STAC: variants seen among roughly 807,000 people sequenced by gnomAD.
STAC encodes SH3 and cysteine rich domain, also known as SH3 and cysteine-rich domain-containing protein.
STAC carries 43 observed loss-of-function variants against 48.8 expected under a neutral mutation model. The ratio of observed to expected loss-of-function variants is 0.88; its 90% CI spans 0.69 to 1.14. The LOEUF (loss-of-function observed/expected upper bound fraction) is 1.14. STAC is among the 50% of genes most tolerant of loss of function. STAC has a pLI of 0.00. For synonymous variants in STAC, 193 were observed against 179.5 expected (o/e 1.07, Z -0.60); for missense variants, 497 against 504.0 (o/e 0.99, Z 0.13).
At chr3:36,387,841 G>T (rs1235633485) in intron 1 of STAC, among the ~76,000 whole-genome samples, 1 of 152,038 alleles carries the variant, frequency 6.6e-6, no homozygotes, top group Non-Finnish European at 1.5e-5. Flanking sequence ...TTTCTTATGG[G>T]TATATAACCA....
chr3:36,382,788 AG>A (rs1302450636), intron 1 of STAC, among the ~76,000 whole-genome samples: 2 of 152,190 alleles, frequency 1.3e-5, no homozygotes, highest in Non-Finnish European at 2.9e-5. Context: ...ATTCTATTCT[AG>A]GAAGGCCACA....
intron 5 of STAC, 90 bp from the exon 6 acceptor site, chr3:36,493,061 T>G: frequency 7.9e-7 from 1 of 1,269,142 alleles, no homozygotes; most frequent in Admixed American, 1.9e-5. Flanking sequence ...TCATGCAAAT[T>G]CTACCTAAGC....
chr3:36,436,121 T>A (rs578226227), intron 1 of STAC, among the ~76,000 whole-genome samples: 1 of 152,310 alleles, frequency 6.6e-6, no homozygotes, highest in South Asian at 2.1e-4. Flanking sequence ...GAATCATATA[T>A]CCAGCTGCTT....
chr3:36,530,645 G>A (rs1400096528), intron 10 of STAC, among the ~76,000 whole-genome samples: 2 of 131,110 alleles, frequency 1.5e-5, no homozygotes, highest in African/African-American at 5.9e-5. Context: ...GTCCAGGCTG[G>A]AGTGCAATGG....
intron 1 of STAC, among the ~76,000 whole-genome samples, chr3:36,439,279 G>A (rs1696250881): frequency 6.6e-6 from 1 of 152,170 alleles, no homozygotes. Context: ...TAGGTCGCCT[G>A]GTGAAGCACT....
intron 1 of STAC, among the ~76,000 whole-genome samples, chr3:36,435,964 G>T (rs1700823202): frequency 6.6e-6 from 1 of 152,096 alleles, no homozygotes; most frequent in South Asian, 2.1e-4. Flanking sequence ...GAATGCCCCA[G>T]AGTTCTGTCC....
intron 5 of STAC, among the ~76,000 whole-genome samples, chr3:36,489,101 C>T (rs1697897924): frequency 6.6e-6 from 1 of 152,138 alleles, no homozygotes; most frequent in South Asian, 2.1e-4. Context: ...TGAGTTGCTC[C>T]TCCCACAAGC....
intron 8 of STAC, among the ~76,000 whole-genome samples, chr3:36,522,778 G>T (rs1698836779): frequency 6.6e-6 from 1 of 152,174 alleles, no homozygotes; most frequent in Non-Finnish European, 1.5e-5. Flanking sequence ...TCCTCATCTG[G>T]AGGGTGTCGT....
rs145321769 is a variant in STAC at position 36,533,791 on chromosome 3, G to A, written c.1110+4806G>A. ...CAATTCAGCCTCTTCAGCTAGACAC[G>A]TTCAAGATGCAACAGAGCATTTCAG... On this transcript the variant is annotated intron_variant, in intron 10 of 10. Coordinates refer to ENST00000273183, the MANE Select transcript of STAC (RefSeq NM_003149.3). Among the ~76,000 whole-genome samples, 1,118 of 152,132 alleles carry A rather than the reference G, an allele frequency of 7.3e-3. 10 individuals carry two copies. Among genetic ancestry groups the A allele is most frequent in the Middle Eastern group, 0.041 (12 of 294 alleles).
chr3:36,529,210 AGTGG>A, intron 10 of STAC: 2 of 323,430 alleles, frequency 6.2e-6, no homozygotes, highest in South Asian at 8.1e-5. Context: ...GAAACGTGAT[AGTGG>A]CAGGCGACGA....
intron 2 of STAC, among the ~76,000 whole-genome samples, chr3:36,481,193 C>T (rs1162511764): frequency 6.6e-6 from 1 of 152,110 alleles, no homozygotes; most frequent in African/African-American, 2.4e-5. Context: ...ATTCAAGGAA[C>T]TATAAGAAGA....
intron 1 of STAC, among the ~76,000 whole-genome samples, chr3:36,395,074 T>C (rs1288802597): frequency 6.6e-6 from 1 of 151,870 alleles, no homozygotes; most frequent in East Asian, 1.9e-4. Context: ...AGAAGCCCTG[T>C]GCAAATGTAA....
At chr3:36,516,766 T>G (rs1698683865) in intron 8 of STAC, among the ~76,000 whole-genome samples, 1 of 152,198 alleles carries the variant, frequency 6.6e-6, no homozygotes, top group Non-Finnish European at 1.5e-5. Context: ...AGTTTTCTCC[T>G]TCCTAGGAAG....
At chr3:36,460,523 C>T (rs1696986663) in intron 2 of STAC, among the ~76,000 whole-genome samples, 1 of 152,132 alleles carries the variant, frequency 6.6e-6, no homozygotes, top group African/African-American at 2.4e-5. Flanking sequence ...CCCCAGGGGA[C>T]ATTTGGCAAT....
At chr3:36,394,381 G>A (rs937612990) in intron 1 of STAC, among the ~76,000 whole-genome samples, 6 of 152,172 alleles carry the variant, frequency 3.9e-5, no homozygotes, top group Non-Finnish European at 8.8e-5. Context: ...CATTGTCTGT[G>A]CTAAGGAATT....
At chr3:36,495,885 G>A (rs546765653) in intron 6 of STAC, among the ~76,000 whole-genome samples, 47 of 152,322 alleles carry the variant, frequency 3.1e-4, no homozygotes, top group African/African-American at 1.1e-3. Flanking sequence ...GCAAGTTTCA[G>A]GCCATTCCAC....
intron 8 of STAC, among the ~76,000 whole-genome samples, chr3:36,515,908 A>G (rs1698659760): frequency 6.6e-6 from 1 of 150,506 alleles, no homozygotes; most frequent in South Asian, 2.1e-4. Flanking sequence ...CTATCCGTTT[A>G]GGAACAAAAA....
rs1698441698 is a variant in STAC, at chr3:36,507,860, A to C, written c.920+2026A>C. Among the ~76,000 whole-genome samples the C allele has an allele frequency of 8.6e-5, 13 of 151,274 alleles. No homozygotes were observed. In the South Asian group the frequency reaches 2.7e-3, roughly 31 times the overall value. The stretch of plus-strand genomic sequence containing the variant: ...GTCTATCTATTTTGTTAATCTTTTC[A>C]AAAAAACCAGCTCCTGGATTCATTG... On this transcript the variant is annotated intron_variant, in intron 8 of 10. Transcript: ENST00000273183.
chr3:36,525,170 GAC>G (rs1698903220), intron 8 of STAC, among the ~76,000 whole-genome samples: 1 of 152,030 alleles, frequency 6.6e-6, no homozygotes. Context: ...CTAGTAAGAT[GAC>G]ACTCTTTCAG....
Sources: gnomAD v4.1 joint callset for allele counts (sites outside exome capture counted in the v4.1 genomes callset) on GRCh38, gnomAD v4.1.1 for gene constraint, MANE v1.5 for transcripts, NCBI Gene and HGNC (gene_info 2026-07-23, HGNC 2026-07-21) for gene names.